The following C1orf87 variants were observed in gnomAD, a reference collection of about 807,000 sequenced individuals.
C1orf87 encodes the protein chromosome 1 open reading frame 87, also known as uncharacterized protein C1orf87.
Under a neutral mutation model 60.5 loss-of-function variants are expected in C1orf87, and 58 were observed. That is an observed-to-expected ratio of 0.96 (90% CI 0.78 to 1.19). C1orf87 has a LOEUF of 1.19. Ranked by LOEUF, C1orf87 falls within the 50% of genes most tolerant of loss-of-function variation. The probability of loss-of-function intolerance (pLI) is 0.00; values close to 1 mark genes in which losing one functional copy is unlikely to be tolerated. For synonymous variants in C1orf87, 236 were observed against 227.4 expected (o/e 1.04, Z -0.34); for missense variants, 673 against 638.6 (o/e 1.05, Z -0.58).
chr1:60,022,505 G>T (rs1013886609), intron 8 of C1orf87, among the ~76,000 whole-genome samples: 3 of 152,078 alleles, frequency 2.0e-5, no homozygotes, highest in African/African-American at 7.2e-5. Context: ...CTTATCCACA[G>T]GGTATATATT....
At position 60,072,549 on chromosome 1, in the gene C1orf87, T is replaced by A. The variant is rs1645591154; in HGVS notation, c.95A>T (p.Glu32Val). Reference protein sequence around the residue: ...IGSKHFQYLVEKPKIKENDSL... With the variant: ...IGSKHFQYLVVKPKIKENDSL... ...AATATGGACTTACATCTTTGGCTTC[T>A]CCACGAGGTATTGAAAGTGTTTACT... The change falls in exon 2 of 12, where the codon GAG becomes GTG. Residue 32 changes from glutamate to valine, a missense_variant. Transcript: ENST00000371201. The A allele has an allele frequency of 1.9e-6, 3 of 1,610,098 alleles. No homozygotes were observed. In the East Asian group the frequency reaches 6.7e-5, roughly 36 times the overall value.
At chr1:60,016,496 G>A (rs1645125588) in intron 8 of C1orf87, among the ~76,000 whole-genome samples, 1 of 152,188 alleles carries the variant, frequency 6.6e-6, no homozygotes, top group Non-Finnish European at 1.5e-5. Context: ...TTAACTGGGA[G>A]AAGTACAGCC....
chr1:60,048,956 T>C (rs373579278), intron 3 of C1orf87, among the ~76,000 whole-genome samples: 4 of 152,116 alleles, frequency 2.6e-5, no homozygotes, highest in African/African-American at 9.6e-5. Flanking sequence ...TGTATGGATG[T>C]ACCTTAGTTT....
At chr1:60,033,666 G>A in intron 6 of C1orf87, 25 bp from the exon 7 acceptor site, 19 of 1,603,576 alleles carry the variant, frequency 1.2e-5, no homozygotes, top group Non-Finnish European at 1.5e-5. Flanking sequence ...AATGGGGAAG[G>A]CTATGAAAAG....
In C1orf87 at chr1:60,037,508, G is replaced by A. The variant is rs539733656; in HGVS notation, c.863+484C>T. Among the ~76,000 whole-genome samples the A allele has an allele frequency of 2.0e-5, 3 of 152,330 alleles. No individual in the cohort carries two copies. The South Asian group carries it at 6.2e-4, about 32-fold the overall frequency. On this transcript the variant is annotated intron_variant, in intron 6 of 11. Transcript: ENST00000371201. ...GTGGTGGAAGGCAGAAGGGCAAGAG[G>A]AGGCAAGGGTGAGAGATAAACCCGC...
At chr1:60,031,865 G>C (rs1645239737) in intron 7 of C1orf87, among the ~76,000 whole-genome samples, 1 of 152,110 alleles carries the variant, frequency 6.6e-6, no homozygotes, top group South Asian at 2.1e-4. Context: ...TTTAGACTAA[G>C]AGTCTATTTC....
At chr1:60,028,758 C>T (rs1645216495) in intron 7 of C1orf87, among the ~76,000 whole-genome samples, 1 of 152,060 alleles carries the variant, frequency 6.6e-6, no homozygotes, top group African/African-American at 2.4e-5. Flanking sequence ...GAATACTTTT[C>T]AATCCTATTT....
intron 2 of C1orf87, among the ~76,000 whole-genome samples, chr1:60,064,844 ATATT>A (rs1261316282): frequency 3.3e-5 from 3 of 89,946 alleles, no homozygotes; most frequent in Non-Finnish European, 5.9e-5. Flanking sequence ...ATATAATTAT[ATATT>A]TATATATTTA....
chr1:60,042,278 G>A (rs536256525), intron 3 of C1orf87, among the ~76,000 whole-genome samples: 5 of 150,952 alleles, frequency 3.3e-5, no homozygotes, highest in East Asian at 1.9e-4. Flanking sequence ...TTTTTTACCC[G>A]GGCTGGAGTG....
rs117306420 is a variant in C1orf87 at position 60,044,790 on chromosome 1, A to G, written c.343-3659T>C. ...GACCTTGGGATTTGTCAGAGCACCT[A>G]TGAAGTCTCTAATACCATAGGTTTC... On this transcript the variant is annotated intron_variant, in intron 3 of 11. Coordinates refer to ENST00000371201, the MANE Select transcript of C1orf87 (RefSeq NM_152377.3). Among the ~76,000 whole-genome samples the G allele has an allele frequency of 2.9e-3, 444 of 152,346 alleles. 8 individuals are homozygous for G. In the East Asian group the frequency reaches 0.061, roughly 21 times the overall value.
chr1:60,050,136 T>C (rs985560079), intron 3 of C1orf87, among the ~76,000 whole-genome samples: 3 of 152,128 alleles, frequency 2.0e-5, no homozygotes, highest in Non-Finnish European at 2.9e-5. Context: ...ATTTGGCTAG[T>C]TGTAAAACAA....
chr1:60,043,083 AG>A (rs1253616680), intron 3 of C1orf87, among the ~76,000 whole-genome samples: 4 of 152,338 alleles, frequency 2.6e-5, no homozygotes, highest in African/African-American at 7.2e-5. Flanking sequence ...AAAACCTCAA[AG>A]GTGCATGCAT....
At chr1:60,058,876 T>A (rs1645475152) in intron 2 of C1orf87, among the ~76,000 whole-genome samples, 1 of 152,164 alleles carries the variant, frequency 6.6e-6, no homozygotes, top group Non-Finnish European at 1.5e-5. Flanking sequence ...GCAAAAATGG[T>A]CTTTTGGCAG....
chr1:60,044,094 A>T (rs1399825646), intron 3 of C1orf87, among the ~76,000 whole-genome samples: 3 of 152,154 alleles, frequency 2.0e-5, no homozygotes, highest in African/African-American at 7.2e-5. Flanking sequence ...CAGTGGCGTG[A>T]TCTCGGCTCA....
intron 7 of C1orf87, among the ~76,000 whole-genome samples, chr1:60,031,093 A>G (rs1201125549): frequency 6.6e-6 from 1 of 152,120 alleles, no homozygotes; most frequent in Non-Finnish European, 1.5e-5. Context: ...CTGCACCCAA[A>G]GGAAATTCAG....
At chr1:60,059,081 T>C (rs1645476608) in intron 2 of C1orf87, among the ~76,000 whole-genome samples, 1 of 152,076 alleles carries the variant, frequency 6.6e-6, no homozygotes, top group Non-Finnish European at 1.5e-5. Flanking sequence ...AAAAGCTGTA[T>C]TTAAAAAAAA....
chr1:60,019,475 G>C (rs1415083561), intron 8 of C1orf87, among the ~76,000 whole-genome samples: 1 of 152,200 alleles, frequency 6.6e-6, no homozygotes, highest in Non-Finnish European at 1.5e-5. Flanking sequence ...TTGGTACCAG[G>C]AGAGTGGGGC....
In C1orf87 at chr1:60,062,605, T is replaced by C. The variant is rs1645504642; in HGVS notation, c.108-7167A>G. On this transcript the variant is annotated intron_variant, in intron 2 of 11. Coordinates refer to ENST00000371201, the MANE Select transcript of C1orf87 (RefSeq NM_152377.3). ...TGCAGGTTGAATATACCCCCACATA[T>C]CTGTTGTTCCTTTTTATTTCTTCTA... is the stretch of plus-strand genomic sequence containing the variant. Among the ~76,000 whole-genome samples, 3 of 152,176 alleles carry C rather than the reference T, an allele frequency of 2.0e-5. No homozygotes were observed. In the South Asian group the frequency reaches 6.2e-4, roughly 32 times the overall value.
intron 8 of C1orf87, among the ~76,000 whole-genome samples, chr1:60,010,692 T>G (rs1645077502): frequency 6.6e-6 from 1 of 151,946 alleles, no homozygotes; most frequent in Admixed American, 6.6e-5. Flanking sequence ...GGGTCAGGCC[T>G]CAGCAGATGT....
Sources: gnomAD v4.1 joint callset for allele counts (sites outside exome capture counted in the v4.1 genomes callset) on GRCh38, gnomAD v4.1.1 for gene constraint, MANE v1.5 for transcripts, NCBI Gene and HGNC (gene_info 2026-07-23, HGNC 2026-07-21) for gene names.